SGK1: variants seen among roughly 807,000 people sequenced by gnomAD.
The protein encoded by SGK1 is serum/glucocorticoid regulated kinase 1, also known as serine/threonine-protein kinase Sgk1.
Under a neutral mutation model 64.2 loss-of-function variants are expected in SGK1, and 26 were observed. That is an observed-to-expected ratio of 0.40 (90% CI 0.30 to 0.56). The LOEUF is 0.56. Among genes scored for constraint, SGK1 ranks in the 20% least tolerant of loss-of-function variants. The pLI is 0.38. For synonymous variants in SGK1, 265 were observed against 239.7 expected, an observed-to-expected ratio of 1.11 and a Z score of -0.98; for missense variants, 519 against 645.6, an observed-to-expected ratio of 0.80 and a Z score of 2.12.
chr6:134,246,625 C>G (rs1304831338), intron 2 of SGK1, among the ~76,000 whole-genome samples: 1 of 151,956 alleles, frequency 6.6e-6, no homozygotes, highest in East Asian at 1.9e-4. Flanking sequence ...CAGAGTCTTG[C>G]TCTATACCCC....
chr6:134,192,736 A>C (rs1775535507), intron 3 of SGK1, among the ~76,000 whole-genome samples: 1 of 151,680 alleles, frequency 6.6e-6, no homozygotes, highest in Non-Finnish European at 1.5e-5. Context: ...TGCCTGGCTA[A>C]TTTTTGTACT....
intron 1 of SGK1, among the ~76,000 whole-genome samples, chr6:134,315,159 C>T (rs950464623): frequency 1.1e-4 from 17 of 152,078 alleles, no homozygotes; most frequent in African/African-American, 4.1e-4. Flanking sequence ...AAGTCATGTA[C>T]AAGCAGAAAT....
rs572292221 is a variant in SGK1 at position 134,206,117 on chromosome 6, C to T, written c.361+1239G>A. The stretch of plus-strand genomic sequence containing the variant: ...CTTCTGATTCTGATTAGATGTACAG[C>T]CCTAATATCATAGTGCAAGTATACA... On this transcript the variant is annotated intron_variant, in intron 3 of 13. Transcript: ENST00000367858. Among the ~76,000 whole-genome samples the T allele has an allele frequency of 1.3e-3, 196 of 151,936 alleles. 1 individual carries two copies. Among genetic ancestry groups the T allele is most frequent in the Non-Finnish European group, 1.8e-3 (121 of 67,976 alleles).
rs199735060 is a variant in SGK1, at chr6:134,170,829, A to C, written c.1410T>G (p.Asn470Lys). The C allele has an allele frequency of 1.3e-6, 2 of 1,585,804 alleles. No homozygotes were observed. The highest frequency in any genetic ancestry group is 1.7e-6 in the Non-Finnish European group (2 of 1,154,502). ...TAGAAGAGAGACAGATACTCACCAC[A>C]TTTGGGTTAAAAGGGGGAGTAATCT... Reference protein sequence around the residue: ...NKKITPPFNPNVSGPNDLRHF... With the variant: ...NKKITPPFNPKVSGPNDLRHF... Residue 470 changes from asparagine (N) to lysine (K), a missense_variant, in exon 13 of 14, where the codon AAT becomes AAG. Physicochemically the swap from Asn to Lys is moderately conservative, Grantham distance 94. Around this residue, in one of 2 missense-constraint regions of SGK1, gnomAD observed 278 missense variants for 408.7 expected, o/e 0.68. Coordinates refer to ENST00000367858, the MANE Select transcript of SGK1 (RefSeq NM_001143676.3).
At chr6:134,173,235 T>A (rs773325197) in intron 7 of SGK1, 39 bp downstream of exon 7, 7 of 1,610,438 alleles carry the variant, frequency 4.3e-6, no homozygotes, top group South Asian at 1.1e-5. Flanking sequence ...TCAAGGAGTG[T>A]CTACCGCCAA....
intron 2 of SGK1, among the ~76,000 whole-genome samples, chr6:134,222,249 T>C (rs950489754): frequency 6.6e-6 from 1 of 152,138 alleles, no homozygotes; most frequent in African/African-American, 2.4e-5. Context: ...TGACATTGCA[T>C]TTCAATGCCG....
rs762007898 is a variant in SGK1, at chr6:134,261,762, T to TA, written c.285+170dup. On this transcript the variant is annotated intron_variant, in intron 2 of 13. Transcript: ENST00000367858. ...CTGCTCTAAAATATAAAGCCTACTT[T>TA]AAAAAAATAACATAATGAGCTAACA... is the stretch of plus-strand genomic sequence containing the variant. 4 of 640,548 alleles carry TA rather than the reference T, an allele frequency of 6.2e-6. 1 individual carries two copies. The highest frequency in any genetic ancestry group is 3.7e-5 in the South Asian group (2 of 54,486). The allele number at this position is 640,548 out of a possible 1,614,324, so 39.7% of individuals were successfully genotyped here.
intron 1 of SGK1, among the ~76,000 whole-genome samples, chr6:134,285,477 C>CA (rs778766999): frequency 0.022 from 1,521 of 68,280 alleles, 20 homozygotes; most frequent in Middle Eastern, 0.049. Flanking sequence ...GACTCTGCCT[C>CA]AAAAAAAAAA....
chr6:134,268,584 G>A (rs1475035218), intron 1 of SGK1, among the ~76,000 whole-genome samples: 4 of 147,020 alleles, frequency 2.7e-5, no homozygotes, highest in African/African-American at 7.3e-5. Context: ...ATTGCCGGGC[G>A]TAGTGGAGGG....
At chr6:134,310,468 T>C (rs1582779489) in intron 1 of SGK1, among the ~76,000 whole-genome samples, 2 of 152,336 alleles carry the variant, frequency 1.3e-5, no homozygotes, top group South Asian at 4.1e-4. Context: ...AAGGCATCCG[T>C]CTTACTCACA....
chr6:134,173,966 A>T, intron 5 of SGK1, 39 bp downstream of exon 5: 1 of 1,404,514 alleles, frequency 7.1e-7, no homozygotes, highest in Non-Finnish European at 1.0e-6. Context: ...TGACTCCCTT[A>T]CAGTTCTCCA....
intron 2 of SGK1, among the ~76,000 whole-genome samples, chr6:134,239,780 C>G (rs1312831361): frequency 6.6e-6 from 1 of 152,174 alleles, no homozygotes; most frequent in Non-Finnish European, 1.5e-5. Context: ...CCAGTGTTAT[C>G]TTTGCTCTAA....
Position 134,172,750 on chromosome 6 carries a change from G to A in SGK1, c.859C>T (p.Arg287Cys), listed in dbSNP as rs764183243. 9 of 1,613,482 alleles carry A rather than the reference G, an allele frequency of 5.6e-6. No homozygotes were observed. The highest frequency in any genetic ancestry group is 1.6e-4 in the Middle Eastern group (1 of 6,084). ...GELFYHLQRE[R>C]CFLEPRARFY... Reference sequence around the variant, plus strand: ...CGAGCCCGTGGTTCCAGGAAGCAGCGTTCCCTCTGGAGATGGTAGAACAAC... The same window carrying A: ...CGAGCCCGTGGTTCCAGGAAGCAGCATTCCCTCTGGAGATGGTAGAACAAC... Residue 287 changes from arginine (R) to cysteine (C), a missense_variant, in exon 9 of 14, where the codon CGC (arginine) becomes TGC (cysteine). By Grantham distance (180) the Arg-to-Cys change is radical. Transcript: ENST00000367858.
intron 2 of SGK1, among the ~76,000 whole-genome samples, chr6:134,215,784 A>G (rs925629682): frequency 5.3e-5 from 8 of 152,154 alleles, no homozygotes; most frequent in Non-Finnish European, 1.2e-4. Flanking sequence ...TGGGAGGCTG[A>G]GGCAGGTGGA....
intron 2 of SGK1, among the ~76,000 whole-genome samples, chr6:134,218,512 A>AC (rs1267794698): frequency 1.3e-5 from 2 of 148,490 alleles, no homozygotes; most frequent in African/African-American, 5.0e-5. Flanking sequence ...GCTCACTGCA[A>AC]CCTCCACCTC....
chr6:134,297,918 T>C (rs1224923440), intron 1 of SGK1: 4 of 805,000 alleles, frequency 5.0e-6, no homozygotes, highest in Non-Finnish European at 8.9e-6. Flanking sequence ...GTTGGTGATC[T>C]CCTCGTACTG....
intron 2 of SGK1, among the ~76,000 whole-genome samples, chr6:134,237,740 A>G (rs1164919226): frequency 1.3e-5 from 2 of 152,216 alleles, no homozygotes; most frequent in Admixed American, 6.5e-5. Flanking sequence ...ACAGTTTTTT[A>G]GGAAAGTGCT....
At chr6:134,249,491 G>C (rs528567063) in intron 2 of SGK1, 2 of 152,218 alleles carry the variant, frequency 1.3e-5, no homozygotes, top group African/African-American at 4.8e-5. Context: ...TCTTAGCTTA[G>C]ATTTCTCTTC....
chr6:134,269,969 T>A lies in SGK1; in HGVS notation c.70-7821A>T, dbSNP rs1776915218. ...GGAGTTGTACTTTTGTTGACCAGGC[T>A]GGAGCGCAATGGCGCGATCTCAGCT... On this transcript the variant is annotated intron_variant, in intron 1 of 13. Coordinates refer to ENST00000367858, the MANE Select transcript of SGK1 (RefSeq NM_001143676.3). 1.4e-5 allele frequency among the ~76,000 whole-genome samples: 2 copies of A among 147,670 alleles called. 1 individual carries two copies. The highest frequency in any genetic ancestry group is 4.4e-4 in the South Asian group (2 of 4,526).
Sources: allele counts gnomAD v4.1 joint callset (sites outside exome capture counted in the v4.1 genomes callset), GRCh38; gene constraint gnomAD v4.1.1; regional missense constraint gnomAD v4.1.1; transcripts MANE v1.5; gene names NCBI Gene and HGNC (gene_info 2026-07-23, HGNC 2026-07-21).